The following NRAP variants were observed in gnomAD, a reference collection of about 807,000 sequenced individuals.
NRAP encodes nebulin-related-anchoring protein.
NRAP carries 189 observed loss-of-function variants against 225.9 expected under a neutral mutation model. The observed-to-expected ratio is 0.84, with a 90% CI of 0.74 to 0.94. The LOEUF (loss-of-function observed/expected upper bound fraction) is 0.94. NRAP is among the 40% of genes least tolerant of loss of function. NRAP has a pLI of 0.00. For missense variants in NRAP, 2,176 were observed against 2,168.7 expected, an observed-to-expected ratio of 1.00 and a Z score of -0.07; for synonymous variants, 769 against 790.7, an observed-to-expected ratio of 0.97 and a Z score of 0.46.
chr10:113,594,185 C>A (rs143628681), intron 38 of NRAP, among the ~76,000 whole-genome samples: 4 of 152,122 alleles, frequency 2.6e-5, no homozygotes, highest in African/African-American at 9.7e-5. Context: ...TTAGTTATTT[C>A]GGCTGCCTTA....
At chr10:113,617,177 C>T (rs1159941911) in intron 26 of NRAP, among the ~76,000 whole-genome samples, 2 of 152,252 alleles carry the variant, frequency 1.3e-5, no homozygotes, top group Middle Eastern at 3.4e-3. Context: ...AACAGCCTCA[C>T]CACGAATGAA....
chr10:113,628,828 G>C, intron 20 of NRAP, 89 bp downstream of exon 20: 2 of 724,208 alleles, frequency 2.8e-6, no homozygotes, highest in Admixed American at 5.0e-5. Flanking sequence ...TAAATCTGAG[G>C]ATAGAGAAAG....
intron 20 of NRAP, 62 bp downstream of exon 20, chr10:113,628,855 A>G (rs1848422238): frequency 5.7e-6 from 5 of 873,834 alleles, no homozygotes; most frequent in Non-Finnish European, 9.0e-6. Flanking sequence ...AGAGGCAAAG[A>G]TCACCCTGCA....
At chr10:113,640,612 A>C (rs1307121058) in intron 13 of NRAP, among the ~76,000 whole-genome samples, 1 of 150,858 alleles carries the variant, frequency 6.6e-6, no homozygotes, top group African/African-American at 2.4e-5. Flanking sequence ...GCATTTTCAC[A>C]TGGATAGGCA....
rs549061625 is a variant in NRAP at position 113,601,969 on chromosome 10, T to C, written c.4227+2640A>G. Among the ~76,000 whole-genome samples the C allele has an allele frequency of 6.6e-5, 10 of 152,348 alleles. No individual in the cohort carries two copies. In the South Asian group the frequency reaches 2.1e-3, roughly 32 times the overall value. On this transcript the variant is annotated intron_variant, in intron 35 of 41. Transcript: ENST00000359988. ...AGCACAATCATGGCTCACTGCAACC[T>C]CTGCCTCCTGGGCTCAAGCCATCCT...
chr10:113,607,158 G>A (rs1363899169), intron 32 of NRAP, among the ~76,000 whole-genome samples: 12 of 151,588 alleles, frequency 7.9e-5, no homozygotes, highest in African/African-American at 2.4e-4. Flanking sequence ...CAAAGATCGC[G>A]CCACTGCACT....
chr10:113,659,026 A>C (rs1850495425), intron 3 of NRAP, among the ~76,000 whole-genome samples: 1 of 152,218 alleles, frequency 6.6e-6, no homozygotes, highest in African/African-American at 2.4e-5. Flanking sequence ...TCAAGGGCAC[A>C]TTCTGATATT....
intron 17 of NRAP, 83 bp from the exon 18 acceptor site, chr10:113,631,693 G>A: frequency 1.0e-6 from 1 of 967,974 alleles, no homozygotes; most frequent in Non-Finnish European, 1.6e-6. Context: ...AGTGCAAGGG[G>A]AACAATTCTG....
In NRAP at chr10:113,608,417, A is replaced by G. The variant is rs761964135; in HGVS notation, c.3699T>C (p.Asn1233=). 1 of 1,602,348 alleles carries G rather than the reference A, an allele frequency of 6.2e-7. No individual in the cohort carries two copies. Among genetic ancestry groups the G allele is most frequent in the Non-Finnish European group, 8.5e-7 (1 of 1,170,046 alleles). The change falls in exon 32 of 42, where the codon AAT becomes AAC. Residue 1233 remains asparagine (N), a synonymous_variant. Coordinates refer to ENST00000359988, the MANE Select transcript of NRAP (RefSeq NM_198060.4). ...LHAKFSNQIT[N]ERLYKAAGED... ...CAAAGCCATCAGGAGATTTTACCTC[A>G]TTCGTTATCTGGTTGCTGAATTTCG...
intron 19 of NRAP, 102 bp from the exon 20 acceptor site, chr10:113,629,123 T>C (rs988869182): frequency 5.9e-6 from 5 of 844,990 alleles, no homozygotes; most frequent in African/African-American, 3.3e-5. Flanking sequence ...TTTGCCTTCC[T>C]AGAAGAACTG....
chr10:113,595,569 A>T, intron 38 of NRAP, 54 bp downstream of exon 38: 1 of 1,131,590 alleles, frequency 8.8e-7, no homozygotes, highest in Non-Finnish European at 1.3e-6. Context: ...CACATTGGGC[A>T]CAGATCATTT....
intron 14 of NRAP, among the ~76,000 whole-genome samples, chr10:113,637,198 A>C (rs1848923383): frequency 6.6e-6 from 1 of 152,162 alleles, no homozygotes; most frequent in African/African-American, 2.4e-5. Context: ...CTATGCACCC[A>C]GCACCATTCC....
At chr10:113,649,594 A>G (rs1592858404) in intron 9 of NRAP, among the ~76,000 whole-genome samples, 1 of 152,226 alleles carries the variant, frequency 6.6e-6, no homozygotes, top group South Asian at 2.1e-4. Flanking sequence ...ATACTGATTT[A>G]TCTACCAACC....
rs41310308 is a variant in NRAP, at chr10:113,654,142, T to C, written c.361-17A>G. Reference sequence around the variant, plus strand: ...ATAGGCTCTCTACAAAGGAAGCACATGAAGGGATACAAACACATGCCCCAG... The same window carrying C: ...ATAGGCTCTCTACAAAGGAAGCACACGAAGGGATACAAACACATGCCCCAG... On this transcript the variant is annotated splice_polypyrimidine_tract_variant and intron_variant, in intron 4 of 41. Coordinates refer to ENST00000359988, the MANE Select transcript of NRAP (RefSeq NM_198060.4). 408,239 of 1,480,948 alleles carry C rather than the reference T, an allele frequency of 0.28. 58,304 individuals carry two copies. The highest frequency in any genetic ancestry group is 0.47 in the African/African-American group (34,072 of 72,002). 91.7% of individuals were successfully genotyped at this position (1,480,948 alleles called of 1,614,324 possible).
At chr10:113,629,356 C>T (rs1021591701) in intron 19 of NRAP, among the ~76,000 whole-genome samples, 11 of 152,132 alleles carry the variant, frequency 7.2e-5, no homozygotes, top group Non-Finnish European at 1.3e-4. Flanking sequence ...TTGGCTCATC[C>T]CCATCACCAA....
chr10:113,589,088 A>C lies in NRAP; in HGVS notation c.5089-9T>G, dbSNP rs1159184053. ...ACTGCTTCTGCCCCCCGCTGCTGAA[A>C]TCAAACATACCCCAAGTTAAAATGA... On this transcript the variant is annotated splice_polypyrimidine_tract_variant and intron_variant, in intron 41 of 41. Coordinates refer to ENST00000359988, the MANE Select transcript of NRAP (RefSeq NM_198060.4). The C allele has an allele frequency of 1.2e-6, 2 of 1,612,116 alleles. No homozygotes were observed. The highest frequency in any genetic ancestry group is 1.7e-6 in the Non-Finnish European group (2 of 1,178,558).
At chr10:113,630,761 C>A (rs1848532645) in intron 18 of NRAP, among the ~76,000 whole-genome samples, 1 of 152,202 alleles carries the variant, frequency 6.6e-6, no homozygotes, top group South Asian at 2.1e-4. Flanking sequence ...AAAATGGCGA[C>A]CCAGATGCCA....
intron 26 of NRAP, among the ~76,000 whole-genome samples, chr10:113,616,161 A>C (rs1847650472): frequency 6.6e-6 from 1 of 152,206 alleles, no homozygotes; most frequent in Non-Finnish European, 1.5e-5. Context: ...GCATCAAGAT[A>C]CAGAAGGCGA....
intron 41 of NRAP, 37 bp from the exon 42 acceptor site, chr10:113,589,116 C>G (rs1564686082): frequency 6.4e-7 from 1 of 1,563,604 alleles, no homozygotes; most frequent in Non-Finnish European, 8.8e-7. Flanking sequence ...TAAAATGAAG[C>G]TCCCCCACCC....
Sources: allele counts gnomAD v4.1 joint callset (sites outside exome capture counted in the v4.1 genomes callset), GRCh38; gene constraint gnomAD v4.1.1; transcripts MANE v1.5; gene names NCBI Gene and HGNC (gene_info 2026-07-23, HGNC 2026-07-21).